KEL: variants seen among roughly 807,000 people sequenced by gnomAD.
The protein encoded by KEL is Kell metallo-endopeptidase (Kell blood group).
KEL carries 96 observed loss-of-function variants against 99.5 expected under a neutral mutation model. That is an observed-to-expected ratio of 0.97 (90% CI 0.82 to 1.14). The LOEUF (loss-of-function observed/expected upper bound fraction) is 1.14, where lower values mean the gene tolerates loss of function less well. Ranked by LOEUF, KEL falls within the 50% of genes most tolerant of loss-of-function variation. The probability of loss-of-function intolerance (pLI) is 0.00; values close to 1 mark genes in which losing one functional copy is unlikely to be tolerated. For missense variants in KEL, 926 were observed against 924.2 expected, an observed-to-expected ratio of 1.00 and a Z score of -0.03; for synonymous variants, 355 against 354.8, an observed-to-expected ratio of 1.00 and a Z score of -0.01.
chr7:142,961,991 T>G, intron 1 of KEL, 119 bp from the exon 2 acceptor site: 1 of 1,609,860 alleles, frequency 6.2e-7, no homozygotes, highest in South Asian at 1.1e-5. Flanking sequence ...CACACACATA[T>G]TTTTATCTCG....
At position 142,954,349 on chromosome 7, in the gene KEL, G is replaced by A. The variant is rs767815643; in HGVS notation, c.759C>T (p.Tyr253=). 14 of 1,614,136 alleles carry A rather than the reference G, an allele frequency of 8.7e-6. No individual in the cohort carries two copies. Among genetic ancestry groups the A allele is most frequent in the Non-Finnish European group, 1.7e-6 (2 of 1,180,028 alleles). The change falls in exon 8 of 19, where the codon TAC becomes TAT. Residue 253 remains tyrosine, a synonymous_variant. Coordinates refer to ENST00000355265, the MANE Select transcript of KEL (RefSeq NM_000420.3). ...CCAGCAAGGTTCCCAGCTGATTCAG[G>A]TAAGTCAGGTATTCCCGAAAGATCT... is the stretch of plus-strand genomic sequence containing the variant. The part of the protein sequence containing the change: ...YAQIFREYLT[Y]LNQLGTLLGG...
intron 10 of KEL, 48 bp downstream of exon 10, chr7:142,952,461 G>A (rs1796709915): frequency 6.2e-7 from 1 of 1,608,152 alleles, no homozygotes; most frequent in Admixed American, 1.7e-5. Context: ...CAAAAGAGTA[G>A]ATACTCCTTT....
intron 6 of KEL, 21 bp downstream of exon 6, chr7:142,957,806 C>G (rs1796862943): frequency 6.2e-7 from 1 of 1,613,832 alleles, no homozygotes. Flanking sequence ...CCAACTGTGT[C>G]TTCGCCAGTG....
At chr7:142,960,216 T>A (rs1482287378) in intron 4 of KEL, among the ~76,000 whole-genome samples, 1 of 152,224 alleles carries the variant, frequency 6.6e-6, no homozygotes, top group Non-Finnish European at 1.5e-5. Flanking sequence ...TGCACAGTGA[T>A]GAAGCCCTCT....
chr7:142,953,030 G>T (rs1017125599), intron 9 of KEL, among the ~76,000 whole-genome samples: 1 of 152,094 alleles, frequency 6.6e-6, no homozygotes, highest in African/African-American at 2.4e-5. Flanking sequence ...CAATGCTCCT[G>T]CCAGGGCTGC....
At chr7:142,946,660 C>T (rs754854699) in intron 10 of KEL, 5 of 364,820 alleles carry the variant, frequency 1.4e-5, no homozygotes, top group African/African-American at 1.0e-4. Context: ...TGATGTTCCC[C>T]CTGTTCCCCC....
At chr7:142,948,932 T>A (rs1351009599) in intron 10 of KEL, among the ~76,000 whole-genome samples, 1 of 131,028 alleles carries the variant, frequency 7.6e-6, no homozygotes, top group Non-Finnish European at 1.5e-5. Flanking sequence ...ACACACACAC[T>A]AGAAACCTGA....
In KEL at chr7:142,958,378, A is replaced by G. The variant is rs1796880220; in HGVS notation, c.451T>C (p.Phe151Leu). 2 of 1,614,146 alleles carry G rather than the reference A, an allele frequency of 1.2e-6. No individual in the cohort carries two copies. Among genetic ancestry groups the G allele is most frequent in the Non-Finnish European group, 1.7e-6 (2 of 1,180,020 alleles). The change falls in exon 5 of 19, where the codon TTC (phenylalanine) becomes CTC (leucine). Residue 151 changes from phenylalanine (F) to leucine (L), a missense_variant. Phe to Leu is a conservative substitution (Grantham distance 22). Transcript: ENST00000355265. ...PGSGEEKAFQ[F>L]YNSCMDTLAI... The stretch of plus-strand genomic sequence containing the variant: ...AGTGTATCCATGCAGGAGTTGTAGA[A>G]CTGGAAGGCTTTCTCCTCCCCAGAG...
chr7:142,954,196 G>T lies in KEL; in HGVS notation c.912C>A (p.Ile304=). 1.2e-6 allele frequency: 2 copies of T among 1,610,588 alleles called. No homozygotes were observed. Among genetic ancestry groups the T allele is most frequent in the Non-Finnish European group, 1.7e-6 (2 of 1,179,940 alleles). The part of the protein sequence containing the change: ...AQGKLFQMVT[I]DQLKEMAPAI... ...CAGTTCCAGGCACCTTGAGCTGGTC[G>T]ATAGTGACCATCTGGAAGAGCTTGC... The change falls in exon 8 of 19, where the codon ATC becomes ATA. Residue 304 remains isoleucine (I), a synonymous_variant. Coordinates refer to ENST00000355265, the MANE Select transcript of KEL (RefSeq NM_000420.3).
intron 14 of KEL, 51 bp from the exon 15 acceptor site, chr7:142,943,647 C>T (rs771607813): frequency 2.8e-6 from 4 of 1,445,844 alleles, no homozygotes; most frequent in South Asian, 2.3e-5. Context: ...ATTGCCCTGC[C>T]ACCCTGAGAC....
At chr7:142,962,179 C>G in intron 1 of KEL, 25 bp downstream of exon 1, 1 of 1,614,112 alleles carries the variant, frequency 6.2e-7, no homozygotes, top group East Asian at 2.2e-5. Flanking sequence ...CCCCGCTAAG[C>G]CTCTGACTCC....
chr7:142,943,232 T>G, intron 16 of KEL, 44 bp downstream of exon 16: 3 of 1,606,172 alleles, frequency 1.9e-6, no homozygotes. Context: ...GGTCTTCCCT[T>G]AGGTTCCCTA....
intron 10 of KEL, among the ~76,000 whole-genome samples, chr7:142,947,346 G>T (rs964493952): frequency 1.3e-5 from 2 of 152,116 alleles, no homozygotes; most frequent in Non-Finnish European, 2.9e-5. Flanking sequence ...TACTCTCCCC[G>T]CAGGAGCTAG....
At chr7:142,945,736 C>T (rs988758992) in intron 11 of KEL, among the ~76,000 whole-genome samples, 4 of 151,952 alleles carry the variant, frequency 2.6e-5, no homozygotes, top group East Asian at 1.9e-4. Context: ...TCAAGCGATT[C>T]GCCTGCCTCG....
At chr7:142,952,774 T>C in intron 9 of KEL, 136 bp from the exon 10 acceptor site, 1 of 1,004,986 alleles carries the variant, frequency 1.0e-6, no homozygotes, top group South Asian at 1.5e-5. Context: ...TGTTTTAACA[T>C]GCACCCAAGT....
chr7:142,954,025 G>A, intron 8 of KEL, 69 bp from the exon 9 acceptor site: 2 of 1,581,358 alleles, frequency 1.3e-6, no homozygotes, highest in Non-Finnish European at 1.7e-6. Flanking sequence ...CTTCCCCTTG[G>A]GTGTGAGAAA....
At chr7:142,961,636 C>G in intron 2 of KEL, 135 bp from the exon 3 acceptor site, 1 of 1,349,882 alleles carries the variant, frequency 7.4e-7, no homozygotes, top group South Asian at 1.2e-5. Flanking sequence ...TCTTCCTAAA[C>G]CCAGCCCTAC....
intron 6 of KEL, among the ~76,000 whole-genome samples, chr7:142,955,509 T>C (rs1414631287): frequency 1.3e-5 from 2 of 152,196 alleles, no homozygotes; most frequent in Admixed American, 6.5e-5. Context: ...TATTGTTGCA[T>C]TGATTTTGAT....
At chr7:142,961,647 T>A in intron 2 of KEL, 146 bp from the exon 3 acceptor site, 1 of 1,318,056 alleles carries the variant, frequency 7.6e-7, no homozygotes, top group Non-Finnish European at 1.1e-6. Flanking sequence ...CCAGCCCTAC[T>A]TTAACTCCTG....
Sources: allele counts gnomAD v4.1 joint callset (sites outside exome capture counted in the v4.1 genomes callset), GRCh38; gene constraint gnomAD v4.1.1; transcripts MANE v1.5; gene names NCBI Gene and HGNC (gene_info 2026-07-23, HGNC 2026-07-21).